TMEM63B: variants seen among roughly 807,000 people sequenced by gnomAD.
TMEM63B encodes transmembrane protein 63B, also known as mechanosensitive cation channel TMEM63B.
A neutral mutation model predicts 102.6 loss-of-function variants in TMEM63B; 23 were observed. The ratio of observed to expected loss-of-function variants is 0.22; its 90% CI spans 0.16 to 0.32. The LOEUF is 0.32. Ranked by LOEUF, TMEM63B falls within the 10% of genes least tolerant of loss-of-function variation. The pLI, the probability that TMEM63B is intolerant of heterozygous loss-of-function variation, is 1.00. For missense variants in TMEM63B, 628 were observed against 1,095.9 expected, an observed-to-expected ratio of 0.57 and a Z score of 6.03; for synonymous variants, 444 against 437.0, an observed-to-expected ratio of 1.02 and a Z score of -0.20.
In TMEM63B at chr6:44,150,857, G is replaced by T. The variant is rs1766454226; in HGVS notation, c.1673+228G>T. On this transcript the variant is annotated intron_variant, in intron 18 of 23. Coordinates refer to ENST00000323267, the MANE Select transcript of TMEM63B (RefSeq NM_018426.3). The surrounding 1 kb of genome is among the most constrained non-coding windows in gnomAD (Gnocchi z 4.7). ...GTTGGTGTTCACTCTCTGGTAACCT[G>T]TTTGGATGCTAAGATCATCCTCAAG... Among the ~76,000 whole-genome samples the T allele has an allele frequency of 6.6e-6, 1 of 152,202 alleles. No homozygotes were observed. Among genetic ancestry groups the T allele is most frequent in the Non-Finnish European group, 1.5e-5 (1 of 68,034 alleles).
intron 6 of TMEM63B, among the ~76,000 whole-genome samples, chr6:44,139,183 T>C (rs1763718200): frequency 6.6e-6 from 1 of 152,038 alleles, no homozygotes. Context: ...GTCTCTGCAG[T>C]CTCTTCTTTC....
In TMEM63B at chr6:44,150,357, GAT is replaced by G; in HGVS notation, c.1607+49_1607+50del. The G allele has an allele frequency of 1.3e-6, 2 of 1,581,484 alleles. No individual in the cohort carries two copies. Among genetic ancestry groups the G allele is most frequent in the Non-Finnish European group, 1.7e-6 (2 of 1,150,632 alleles). ...AGGAGCCAGGGTAGGGGGACAGCAG[GAT>G]AGGGAGAGGAGAGCAGTTCAGCCTC... On this transcript the variant is annotated intron_variant, in intron 17 of 23. Coordinates refer to ENST00000323267, the MANE Select transcript of TMEM63B (RefSeq NM_018426.3). This position sits in a 1 kb window ranked among gnomAD's most constrained non-coding sequence, Gnocchi z 4.7.
chr6:44,130,976 G>A (rs1362108438), intron 1 of TMEM63B, among the ~76,000 whole-genome samples: 4 of 151,802 alleles, frequency 2.6e-5, no homozygotes, highest in Non-Finnish European at 5.9e-5. Context: ...GGAGTGCAGT[G>A]GCATGATCTA....
chr6:44,146,710 C>G, intron 10 of TMEM63B, 137 bp from the exon 11 acceptor site: 15 of 884,842 alleles, frequency 1.7e-5, no homozygotes, highest in Non-Finnish European at 2.2e-5. Context: ...TTCGGCCCCC[C>G]AAAGTGCTGG....
intron 4 of TMEM63B, 29 bp from the exon 5 acceptor site, chr6:44,136,320 C>G: frequency 1.2e-6 from 2 of 1,603,926 alleles, no homozygotes; most frequent in East Asian, 2.2e-5. Context: ...TCACCAGGCT[C>G]TCTGATCTCT....
At chr6:44,149,367 G>A (rs572478986) in intron 15 of TMEM63B, 35 of 315,908 alleles carry the variant, frequency 1.1e-4, no homozygotes, top group African/African-American at 7.2e-4. Flanking sequence ...TGTCTGCCTG[G>A]CCTCCCCTCA....
At position 44,136,368 on chromosome 6, in the gene TMEM63B, G is replaced by A. The variant is rs762039391; in HGVS notation, c.298G>A (p.Gly100Arg). 1.9e-6 allele frequency: 3 copies of A among 1,614,008 alleles called. No individual in the cohort carries two copies. Among genetic ancestry groups the A allele is most frequent in the East Asian group, 4.5e-5 (2 of 44,874 alleles). Reference protein sequence around the residue: ...EQEYVASAMHGDSHDRYERLT... With the variant: ...EQEYVASAMHRDSHDRYERLT... ...CCCCAGTGTGGCTTCAGCTATGCACGGGGACAGCCATGACCGGTATGAGCG... is the reference window on the plus strand; with the variant it reads ...CCCCAGTGTGGCTTCAGCTATGCACAGGGACAGCCATGACCGGTATGAGCG... Residue 100 changes from glycine (G) to arginine (R), a missense_variant, in exon 5 of 24, where the codon GGG (glycine) becomes AGG (arginine). By Grantham distance (125) the Gly-to-Arg change is moderately radical. This residue lies in a region of TMEM63B where 336 missense variants were observed against 580.3 expected (regional missense o/e 0.58). Transcript: ENST00000323267.
At chr6:44,134,886 G>A (rs530562381) in intron 2 of TMEM63B, 131 bp from the exon 3 acceptor site, 25 of 1,487,130 alleles carry the variant, frequency 1.7e-5, no homozygotes, top group African/African-American at 4.1e-5. Context: ...CCCAAGCCTC[G>A]CCTTTGACCA....
chr6:44,152,579 C>A lies in TMEM63B; in HGVS notation c.1837-14C>A. ...TGCCTCCCTGAGCCATCCTCCTGCC[C>A]GTCTCCCCCCCAGCATCAGGCCTAC... On this transcript the variant is annotated splice_polypyrimidine_tract_variant and intron_variant, in intron 19 of 23. Transcript: ENST00000323267. This position sits in a 1 kb window ranked among gnomAD's most constrained non-coding sequence, Gnocchi z 6.4. 6.2e-7 allele frequency: 1 copy of A among 1,603,744 alleles called. No homozygotes were observed. The highest frequency in any genetic ancestry group is 8.5e-7 in the Non-Finnish European group (1 of 1,176,850).
At position 44,150,769 on chromosome 6, in the gene TMEM63B, AC is replaced by A; in HGVS notation, c.1673+144del. ...AGAAGAGAGAGGATCTGGCGGGGTT[AC>A]CCCAAAGGCACCCACAAGGTGTCTT... On this transcript the variant is annotated intron_variant, in intron 18 of 23. Coordinates refer to ENST00000323267, the MANE Select transcript of TMEM63B (RefSeq NM_018426.3). This position sits in a 1 kb window ranked among gnomAD's most constrained non-coding sequence, Gnocchi z 4.7. 1 of 874,896 alleles carries A rather than the reference AC, an allele frequency of 1.1e-6. No homozygotes were observed. The highest frequency in any genetic ancestry group is 1.8e-6 in the Non-Finnish European group (1 of 551,590). The allele number at this position is 874,896 out of a possible 1,614,324, so 54.2% of individuals were successfully genotyped here.
Position 44,148,743 on chromosome 6 carries a change from G to A in TMEM63B, c.1260-49G>A, listed in dbSNP as rs1236479952. Reference sequence around the variant, plus strand: ...AGGGAGTGTCTTGGTGTCACTGGGGGCCAATCCTGCCCTTGGTTCCTGGAC... The same window carrying A: ...AGGGAGTGTCTTGGTGTCACTGGGGACCAATCCTGCCCTTGGTTCCTGGAC... On this transcript the variant is annotated intron_variant, in intron 14 of 23. Coordinates refer to ENST00000323267, the MANE Select transcript of TMEM63B (RefSeq NM_018426.3). The surrounding 1 kb of genome is among the most constrained non-coding windows in gnomAD (Gnocchi z 5.1). 1.2e-6 allele frequency: 2 copies of A among 1,611,770 alleles called. No homozygotes were observed. The highest frequency in any genetic ancestry group is 1.7e-6 in the Non-Finnish European group (2 of 1,178,240).
chr6:44,144,831 C>T (rs1765018166), intron 10 of TMEM63B, among the ~76,000 whole-genome samples: 1 of 152,120 alleles, frequency 6.6e-6, no homozygotes, highest in South Asian at 2.1e-4. Flanking sequence ...CTCCTGGCCT[C>T]AAGCAATCCT....
At position 44,154,390 on chromosome 6, in the gene TMEM63B, T is replaced by C. The variant is rs1315707532; in HGVS notation, c.2252T>C (p.Val751Ala). 18 of 1,614,016 alleles carry C rather than the reference T, an allele frequency of 1.1e-5. No individual in the cohort carries two copies. Among genetic ancestry groups the C allele is most frequent in the South Asian group, 2.2e-5 (2 of 91,090 alleles). Reference sequence around the variant, plus strand: ...ATTGAGCACACGGAGACAGATACTGTGGACCCCAGAAGCAATGGACGGCCC... The same window carrying C: ...ATTGAGCACACGGAGACAGATACTGCGGACCCCAGAAGCAATGGACGGCCC... Reference protein sequence around the residue: ...YKIEHTETDTVDPRSNGRPPT... With the variant: ...YKIEHTETDTADPRSNGRPPT... Residue 751 changes from valine (V) to alanine (A), a missense_variant, in exon 23 of 24, where the codon GTG becomes GCG. Around this residue, in one of 6 missense-constraint regions of TMEM63B, gnomAD observed 129 missense variants for 153.5 expected, o/e 0.84. Transcript: ENST00000323267.
chr6:44,148,814 T>G lies in TMEM63B; in HGVS notation c.1282T>G (p.Phe428Val). Reference sequence around the variant, plus strand: ...CAGGGAGCACCTCTCCATCCGAGGCTTCATCTGGTGGCTGCGCTGCCTGGT... The same window carrying G: ...CAGGGAGCACCTCTCCATCCGAGGCGTCATCTGGTGGCTGCGCTGCCTGGT... Reference protein sequence around the residue: ...IYWEHLSIRGFIWWLRCLVIN... With the variant: ...IYWEHLSIRGVIWWLRCLVIN... The change falls in exon 15 of 24, where the codon TTC becomes GTC. Residue 428 changes from phenylalanine to valine, a missense_variant. Phe to Val is a conservative substitution (Grantham distance 50, BLOSUM62 -1). Around this residue, in one of 6 missense-constraint regions of TMEM63B, gnomAD observed 336 missense variants for 580.3 expected, o/e 0.58. Coordinates refer to ENST00000323267, the MANE Select transcript of TMEM63B (RefSeq NM_018426.3). This position sits in a 1 kb window ranked among gnomAD's most constrained non-coding sequence, Gnocchi z 5.1. 1 of 1,614,130 alleles carries G rather than the reference T, an allele frequency of 6.2e-7. No individual in the cohort carries two copies. The highest frequency in any genetic ancestry group is 8.5e-7 in the Non-Finnish European group (1 of 1,180,034).
Position 44,151,871 on chromosome 6 carries a change from G to T in TMEM63B, c.1699G>T (p.Ala567Ser). ...FECVFLPDNG[A>S]FFVNYVIASA... ...GTGTGTGTTCCTGCCCGACAACGGC[G>T]CCTTCTTCGTGAACTACGTCATTGC... The change falls in exon 19 of 24, where the codon GCC becomes TCC. Residue 567 changes from alanine (A) to serine (S), a missense_variant. Ala to Ser is a moderately conservative substitution (Grantham distance 99). Around this residue, in one of 6 missense-constraint regions of TMEM63B, gnomAD observed 61 missense variants for 176.0 expected, o/e 0.35. Coordinates refer to ENST00000323267, the MANE Select transcript of TMEM63B (RefSeq NM_018426.3). 1.2e-6 allele frequency: 2 copies of T among 1,612,642 alleles called. No homozygotes were observed. Among genetic ancestry groups the T allele is most frequent in the Non-Finnish European group, 1.7e-6 (2 of 1,179,420 alleles).
At chr6:44,134,191 G>A (rs1762476201) in intron 1 of TMEM63B, among the ~76,000 whole-genome samples, 1 of 152,134 alleles carries the variant, frequency 6.6e-6, no homozygotes, top group Non-Finnish European at 1.5e-5. Flanking sequence ...GTCTTCCCAG[G>A]CTCAGCTCCG....
Position 44,147,386 on chromosome 6 carries a change from C to T in TMEM63B, c.873C>T (p.Ala291=), listed in dbSNP as rs746514378. ...LMFLDAERKK[A]ERGKLYFTNL... Reference sequence around the variant, plus strand: ...CATCTGGGTCCCACAGGAAGAAGGCCGAGCGGGGAAAGCTGTACTTCACAA... The same window carrying T: ...CATCTGGGTCCCACAGGAAGAAGGCTGAGCGGGGAAAGCTGTACTTCACAA... The change falls in exon 12 of 24, where the codon GCC becomes GCT. Residue 291 remains alanine, a synonymous_variant. Transcript: ENST00000323267. 4.3e-6 allele frequency: 7 copies of T among 1,614,022 alleles called. No individual in the cohort carries two copies. The highest frequency in any genetic ancestry group is 2.7e-5 in the African/African-American group (2 of 74,902).
At chr6:44,131,130 G>C (rs1778190484) in intron 1 of TMEM63B, among the ~76,000 whole-genome samples, 1 of 150,676 alleles carries the variant, frequency 6.6e-6, no homozygotes, top group Admixed American at 6.6e-5. Context: ...GTGTTGGCCA[G>C]GCTGGTCTCG....
intron 6 of TMEM63B, 70 bp from the exon 7 acceptor site, chr6:44,139,397 C>A: frequency 6.3e-7 from 1 of 1,582,278 alleles, no homozygotes. Context: ...TGGGTGAGGG[C>A]AGGCAAGTTG....
Sources: gnomAD v4.1 joint callset for allele counts (sites outside exome capture counted in the v4.1 genomes callset) on GRCh38, gnomAD v4.1.1 for gene constraint, gnomAD v4.1.1 regional missense constraint, Gnocchi (gnomAD v3.1) non-coding constraint, MANE v1.5 for transcripts, NCBI Gene and HGNC (gene_info 2026-07-23, HGNC 2026-07-21) for gene names.